Variants in TTC21B observed in about 807,000 individuals in gnomAD.
The protein encoded by TTC21B is tetratricopeptide repeat domain 21B.
Under a neutral mutation model 175.1 loss-of-function variants are expected in TTC21B, and 127 were observed. The observed-to-expected ratio is 0.73, with a 90% CI of 0.63 to 0.84. TTC21B has a LOEUF of 0.84. TTC21B is among the 40% of genes least tolerant of loss of function. The pLI is 0.00. For synonymous variants in TTC21B, 524 were observed against 524.5 expected, an observed-to-expected ratio of 1.00 and a Z score of 0.01; for missense variants, 1,561 against 1,558.3, an observed-to-expected ratio of 1.00 and a Z score of -0.03.
chr2:165,907,736 AG>A lies in TTC21B; in HGVS notation c.2509del (p.Leu837Ter). 1 of 1,613,344 alleles carries A rather than the reference AG, an allele frequency of 6.2e-7. No homozygotes were observed. The highest frequency in any genetic ancestry group is 8.5e-7 in the Non-Finnish European group (1 of 1,179,680). On this transcript the variant is annotated frameshift_variant, in exon 19 of 29. Coordinates refer to ENST00000243344, the MANE Select transcript of TTC21B (RefSeq NM_024753.5). LOFTEE classifies it high-confidence loss of function. Reference sequence around the variant, plus strand: ...TTCCATTTTACTATAAACTTTTGCTAGAAGAACTTGACAACGTCCATCCTCC... The same window carrying A: ...TTCCATTTTACTATAAACTTTTGCTAAAGAACTTGACAACGTCCATCCTCC... ...LMEDGRCQVL[L>X]AKVYSKMEKL...
intron 16 of TTC21B, 128 bp downstream of exon 16, chr2:165,913,446 C>T: frequency 4.6e-6 from 3 of 656,822 alleles, no homozygotes; most frequent in Non-Finnish European, 8.1e-6. Context: ...TGGATATCTC[C>T]CTTTTACTGT....
intron 12 of TTC21B, 142 bp from the exon 13 acceptor site, chr2:165,919,575 A>G: frequency 4.7e-6 from 4 of 854,492 alleles, no homozygotes; most frequent in South Asian, 4.7e-5. Flanking sequence ...GCCATGGTTT[A>G]ATTCCATCTG....
rs984176089 is a variant in TTC21B, at chr2:165,930,367, A to G, written c.895-3T>C. The G allele has an allele frequency of 2.5e-6, 4 of 1,599,208 alleles. No individual in the cohort carries two copies. The highest frequency in any genetic ancestry group is 3.4e-6 in the Non-Finnish European group (4 of 1,170,392). Reference sequence around the variant, plus strand: ...AGAATAAGTTGACTACGTCCACACTAAAAAGAAAAAAAAATGATGTAAGAT... The same window carrying G: ...AGAATAAGTTGACTACGTCCACACTGAAAAGAAAAAAAAATGATGTAAGAT... On this transcript the variant is annotated splice_polypyrimidine_tract_variant and splice_region_variant and intron_variant, in intron 8 of 28. Transcript: ENST00000243344.
chr2:165,945,234 T>C (rs1687507121), intron 4 of TTC21B, among the ~76,000 whole-genome samples: 1 of 150,328 alleles, frequency 6.7e-6, no homozygotes, highest in South Asian at 2.1e-4. Context: ...AAGGACAAAA[T>C]ATGGAGGGAA....
At chr2:165,905,075 A>T (rs1408719572) in intron 19 of TTC21B, among the ~76,000 whole-genome samples, 1 of 152,218 alleles carries the variant, frequency 6.6e-6, no homozygotes, top group Non-Finnish European at 1.5e-5. Flanking sequence ...GAAATAAAAT[A>T]TATCACATTG....
chr2:165,898,357 A>G (rs967465622), intron 22 of TTC21B, among the ~76,000 whole-genome samples: 1 of 152,194 alleles, frequency 6.6e-6, no homozygotes, highest in Non-Finnish European at 1.5e-5. Context: ...GTAGGTGGCA[A>G]GGCTTTTAAC....
chr2:165,929,076 G>A (rs779906932), intron 11 of TTC21B, 59 bp downstream of exon 11: 3 of 1,517,428 alleles, frequency 2.0e-6, no homozygotes, highest in Non-Finnish European at 1.8e-6. Flanking sequence ...AAACTTTTAA[G>A]TTCTTTCATA....
chr2:165,913,145 T>A (rs1686018279), intron 16 of TTC21B, among the ~76,000 whole-genome samples: 1 of 152,054 alleles, frequency 6.6e-6, no homozygotes, highest in African/African-American at 2.4e-5. Flanking sequence ...TTCAAGTAAT[T>A]CTCCTGCCTC....
chr2:165,906,254 TA>T (rs1163343694), intron 19 of TTC21B, among the ~76,000 whole-genome samples: 9,512 of 45,154 alleles, frequency 0.21, 355 homozygotes, highest in South Asian at 0.3. Context: ...TTCAAGAGGC[TA>T]AAAAAAAAAA....
At chr2:165,910,204 C>A (rs527859112) in intron 18 of TTC21B, among the ~76,000 whole-genome samples, 13 of 152,194 alleles carry the variant, frequency 8.5e-5, no homozygotes, top group African/African-American at 3.1e-4. Context: ...GAGATCGAGA[C>A]TGTCCTGGCT....
Position 165,883,749 on chromosome 2 carries a change from A to G in TTC21B, c.3684+45T>C, listed in dbSNP as rs1213963537. 4.1e-6 allele frequency: 6 copies of G among 1,455,828 alleles called. No individual in the cohort carries two copies. In the South Asian group the frequency reaches 6.8e-5, roughly 17 times the overall value. The allele number at this position is 1,455,828 out of a possible 1,614,324, so 90.2% of individuals were successfully genotyped here. On this transcript the variant is annotated intron_variant, in intron 26 of 28. Coordinates refer to ENST00000243344, the MANE Select transcript of TTC21B (RefSeq NM_024753.5). ...TCAACAATATCTATATGGAAAGCTT[A>G]TGCAACAAAGGTCAATAATTATTTT... is the stretch of plus-strand genomic sequence containing the variant.
rs557228057 is a variant in TTC21B at position 165,874,600 on chromosome 2, T to G, written c.*155A>C. ...ATTAGGAAACACCAATTTCACATAG[T>G]ACTTCTCTTGATGTACAGCAGCAAC... On this transcript the variant is annotated 3_prime_UTR_variant, in exon 29 of 29. Coordinates refer to ENST00000243344, the MANE Select transcript of TTC21B (RefSeq NM_024753.5). 2.5e-4 allele frequency: 166 copies of G among 665,490 alleles called. No individual in the cohort carries two copies. The highest frequency in any genetic ancestry group is 7.5e-4 in the Middle Eastern group (2 of 2,660). 41.2% of individuals were successfully genotyped at this position (665,490 alleles called of 1,614,324 possible).
At chr2:165,892,162 G>T (rs1466246573) in intron 22 of TTC21B, among the ~76,000 whole-genome samples, 1 of 152,098 alleles carries the variant, frequency 6.6e-6, no homozygotes, top group Non-Finnish European at 1.5e-5. Context: ...GTGTGCTCAA[G>T]TTTCAGTTAG....
chr2:165,950,479 T>C (rs1218405308), intron 1 of TTC21B, among the ~76,000 whole-genome samples: 1 of 152,204 alleles, frequency 6.6e-6, no homozygotes, highest in African/African-American at 2.4e-5. Context: ...ATCACTAGGA[T>C]ACACCTGATT....
intron 22 of TTC21B, among the ~76,000 whole-genome samples, chr2:165,898,399 G>A (rs1257116037): frequency 6.6e-6 from 1 of 152,142 alleles, no homozygotes; most frequent in African/African-American, 2.4e-5. Flanking sequence ...GGGTGATGGA[G>A]GTTTGAGGAG....
intron 24 of TTC21B, 70 bp downstream of exon 24, chr2:165,890,409 T>G (rs934590902): frequency 2.1e-6 from 3 of 1,458,482 alleles, no homozygotes; most frequent in African/African-American, 2.8e-5. Context: ...TTAGTTCTTT[T>G]GTATAGTATC....
chr2:165,912,473 A>G, intron 17 of TTC21B, 41 bp downstream of exon 17: 1 of 1,501,228 alleles, frequency 6.7e-7, no homozygotes, highest in East Asian at 2.3e-5. Context: ...GGTATGATAA[A>G]TTTGATGCAA....
intron 4 of TTC21B, among the ~76,000 whole-genome samples, chr2:165,945,066 T>C (rs1210653916): frequency 1.3e-5 from 2 of 152,350 alleles, no homozygotes; most frequent in African/African-American, 4.8e-5. Context: ...TCATCTATCA[T>C]TTTTCTCACA....
chr2:165,939,357 T>A (rs1452974443), intron 6 of TTC21B, among the ~76,000 whole-genome samples: 1 of 152,184 alleles, frequency 6.6e-6, no homozygotes, highest in Admixed American at 6.5e-5. Flanking sequence ...TAATCCAAAC[T>A]GAAGTAAAGG....
Sources: gnomAD v4.1 joint callset for allele counts (sites outside exome capture counted in the v4.1 genomes callset) on GRCh38, gnomAD v4.1.1 for gene constraint, MANE v1.5 for transcripts, NCBI Gene and HGNC (gene_info 2026-07-23, HGNC 2026-07-21) for gene names.